Variants in FOXN3 observed in about 807,000 individuals in gnomAD.
The protein encoded by FOXN3 is forkhead box N3.
A neutral mutation model predicts 38.4 loss-of-function variants in FOXN3; 7 were observed. The ratio of observed to expected loss-of-function variants is 0.18; its 90% CI spans 0.10 to 0.34. FOXN3 has a LOEUF of 0.34. FOXN3 is among the 10% of genes least tolerant of loss of function. The probability of loss-of-function intolerance (pLI) is 1.00; values close to 1 mark genes in which losing one functional copy is unlikely to be tolerated. For synonymous variants in FOXN3, 230 were observed against 242.2 expected, an observed-to-expected ratio of 0.95 and a Z score of 0.47; for missense variants, 456 against 613.4, an observed-to-expected ratio of 0.74 and a Z score of 2.71.
chr14:89,535,274 C>T (rs556117886), intron 1 of FOXN3, among the ~76,000 whole-genome samples: 13 of 151,482 alleles, frequency 8.6e-5, no homozygotes, highest in Non-Finnish European at 1.6e-4. Context: ...AAGAAACAGT[C>T]CATATAAGAA....
rs35061642 is a variant in FOXN3, at chr14:89,452,352, G to T, written c.-14-39862C>A. Among the ~76,000 whole-genome samples the T allele has an allele frequency of 4.2e-3, 644 of 152,128 alleles. 1 individual carries two copies. Among genetic ancestry groups the T allele is most frequent in the Non-Finnish European group, 6.4e-3 (435 of 67,950 alleles). On this transcript the variant is annotated intron_variant, in intron 1 of 6. Transcript: ENST00000345097. Reference sequence around the variant, plus strand: ...CTGGTGCCTGAGTGGAGCTGCTGTGGGAAGGTTCCCTCGCCAAGCCCATCC... The same window carrying T: ...CTGGTGCCTGAGTGGAGCTGCTGTGTGAAGGTTCCCTCGCCAAGCCCATCC...
intron 3 of FOXN3, among the ~76,000 whole-genome samples, chr14:89,301,231 G>A (rs1028800589): frequency 1.3e-5 from 2 of 151,926 alleles, no homozygotes; most frequent in East Asian, 3.9e-4. Context: ...ACCATTTTGG[G>A]AGACTGAGGC....
At chr14:89,426,215 ATTTTTTTTTTTTT>A (rs33964198) in intron 1 of FOXN3, among the ~76,000 whole-genome samples, 1 of 77,560 alleles carries the variant, frequency 1.3e-5, no homozygotes, top group Admixed American at 1.9e-4. Context: ...AGGAGTACTG[ATTTTTTTTTTTTT>A]TTTTTTTTTT....
At chr14:89,280,069 A>G (rs1317230205) in intron 4 of FOXN3, among the ~76,000 whole-genome samples, 4 of 152,166 alleles carry the variant, frequency 2.6e-5, no homozygotes, top group Non-Finnish European at 5.9e-5. Context: ...AGCACAGCCA[A>G]ACTCATCCAC....
At chr14:89,582,378 G>A (rs1240280139) in intron 1 of FOXN3, among the ~76,000 whole-genome samples, 4 of 151,876 alleles carry the variant, frequency 2.6e-5, no homozygotes, top group African/African-American at 4.8e-5. Context: ...TAATCAGCAC[G>A]CAATAAATAT....
At chr14:89,428,650 G>T (rs953174059) in intron 1 of FOXN3, among the ~76,000 whole-genome samples, 1 of 152,232 alleles carries the variant, frequency 6.6e-6, no homozygotes, top group Non-Finnish European at 1.5e-5. Flanking sequence ...ACAGCGCCAG[G>T]CCAGCTGTCT....
chr14:89,467,813 T>TTC (rs1295595345), intron 1 of FOXN3, among the ~76,000 whole-genome samples: 26 of 127,940 alleles, frequency 2.0e-4, no homozygotes, highest in African/African-American at 6.8e-4. Context: ...TGTTTTTTTT[T>TTC]TTTTTTTTTT....
intron 1 of FOXN3, among the ~76,000 whole-genome samples, chr14:89,590,660 C>T (rs1356993542): frequency 6.6e-6 from 1 of 152,170 alleles, no homozygotes; most frequent in Non-Finnish European, 1.5e-5. Flanking sequence ...CTCTCACCCC[C>T]TCATTTGCCC....
intron 3 of FOXN3, among the ~76,000 whole-genome samples, chr14:89,335,639 C>T (rs539991759): frequency 6.6e-6 from 1 of 152,276 alleles, no homozygotes; most frequent in South Asian, 2.1e-4. Context: ...GTCTTTAATC[C>T]ATTTTATGAC....
chr14:89,563,980 G>C (rs1895299199), intron 1 of FOXN3, among the ~76,000 whole-genome samples: 2 of 152,116 alleles, frequency 1.3e-5, no homozygotes, highest in Admixed American at 1.3e-4. Flanking sequence ...CTCCCAAATA[G>C]CTGGGATTAC....
intron 1 of FOXN3, among the ~76,000 whole-genome samples, chr14:89,445,974 C>T (rs1892484789): frequency 1.3e-5 from 2 of 149,968 alleles, no homozygotes; most frequent in South Asian, 2.1e-4. Context: ...GGAGGACATG[C>T]ACCTGTAGTC....
At chr14:89,515,127 T>C (rs1894176245) in intron 1 of FOXN3, among the ~76,000 whole-genome samples, 1 of 151,930 alleles carries the variant, frequency 6.6e-6, no homozygotes, top group Non-Finnish European at 1.5e-5. Context: ...TCCACCATGT[T>C]AGCCAGGCTG....
At chr14:89,619,059 C>A (rs1368344726) in exon 1 of FOXN3, 1 of 152,384 alleles carries the variant, frequency 6.6e-6, no homozygotes, top group Admixed American at 6.6e-5. Flanking sequence ...CTGCTTCTCG[C>A]GGCCGCATTG....
intron 3 of FOXN3, among the ~76,000 whole-genome samples, chr14:89,309,001 G>A (rs563141553): frequency 9.2e-5 from 14 of 152,302 alleles, no homozygotes; most frequent in African/African-American, 2.6e-4. Flanking sequence ...AGGCCTGGCC[G>A]CACGGTGGTC....
intron 3 of FOXN3, among the ~76,000 whole-genome samples, chr14:89,310,283 G>A (rs1887497441): frequency 6.6e-6 from 1 of 152,208 alleles, no homozygotes; most frequent in Admixed American, 6.5e-5. Flanking sequence ...CTCACAGGGG[G>A]TCGGGCAGCC....
chr14:89,315,055 A>G (rs1385152171), intron 3 of FOXN3, among the ~76,000 whole-genome samples: 1 of 152,022 alleles, frequency 6.6e-6, no homozygotes, highest in Admixed American at 6.6e-5. Context: ...AATGCACTTG[A>G]TAGATGTTCT....
intron 4 of FOXN3, among the ~76,000 whole-genome samples, chr14:89,252,987 G>A (rs972112876): frequency 7.9e-5 from 12 of 152,174 alleles, no homozygotes; most frequent in Admixed American, 1.3e-4. Context: ...GACAAGCTCC[G>A]AGAGCTTGGA....
At position 89,498,209 on chromosome 14, in the gene FOXN3, TC is replaced by T. The variant is rs1465704343; in HGVS notation, c.-14-85720del. ...CTCTGGCTGCTTCTCTCTCTCTCTC[TC>T]TTTTTTTTTTTTTTTTTTTTTTTTG... is the stretch of plus-strand genomic sequence containing the variant. On this transcript the variant is annotated intron_variant, in intron 1 of 6. Coordinates refer to the FOXN3 transcript ENST00000345097. 8.9e-3 allele frequency among the ~76,000 whole-genome samples: 1,099 copies of T among 123,222 alleles called. 23 individuals carry two copies. Among genetic ancestry groups the T allele is most frequent in the African/African-American group, 0.034 (1,035 of 30,734 alleles). 80.8% of individuals were successfully genotyped at this position (123,222 alleles called of 152,430 possible).
At chr14:89,280,632 G>A (rs548538285) in intron 4 of FOXN3, among the ~76,000 whole-genome samples, 22 of 152,018 alleles carry the variant, frequency 1.4e-4, no homozygotes, top group Admixed American at 3.9e-4. Flanking sequence ...TGTTTCTGTC[G>A]CATTCTAATT....
Sources: allele counts gnomAD v4.1 joint callset (sites outside exome capture counted in the v4.1 genomes callset), GRCh38; gene constraint gnomAD v4.1.1; transcripts MANE v1.5; gene names NCBI Gene and HGNC (gene_info 2026-07-23, HGNC 2026-07-21).